Variants in ZNF480 observed in about 807,000 individuals in gnomAD.
ZNF480 encodes the protein zinc finger protein 480.
Under a neutral mutation model 14.4 loss-of-function variants are expected in ZNF480, and 15 were observed. The ratio of observed to expected loss-of-function variants is 1.04; its 90% CI spans 0.70 to 1.60. The LOEUF (loss-of-function observed/expected upper bound fraction) is 1.60. ZNF480 is among the 40% of genes most tolerant of loss of function. The pLI is 0.00. For synonymous variants in ZNF480, 218 were observed against 215.5 expected (o/e 1.01, Z -0.10); for missense variants, 593 against 629.7 (o/e 0.94, Z 0.62).
At chr19:52,297,352 G>A in intron 1 of ZNF480, 129 bp downstream of exon 1, 1 of 378,216 alleles carries the variant, frequency 2.6e-6, no homozygotes, top group South Asian at 1.8e-5. Context: ...AAATTCAGGC[G>A]TCTCCGTGAG....
intron 2 of ZNF480, among the ~76,000 whole-genome samples, chr19:52,306,772 C>T (rs1398831288): frequency 1.3e-5 from 2 of 152,188 alleles, no homozygotes; most frequent in Non-Finnish European, 2.9e-5. Context: ...AACTGCCAAG[C>T]ATCCATATCA....
At chr19:52,305,421 G>C (rs1163642742) in intron 2 of ZNF480, among the ~76,000 whole-genome samples, 1 of 152,092 alleles carries the variant, frequency 6.6e-6, no homozygotes, top group Non-Finnish European at 1.5e-5. Flanking sequence ...AAATCCTCCT[G>C]TTCATTTAGT....
chr19:52,316,170 A>ATCTT (rs1307212551), intron 4 of ZNF480, among the ~76,000 whole-genome samples: 3 of 147,578 alleles, frequency 2.0e-5, no homozygotes, highest in Non-Finnish European at 4.5e-5. Flanking sequence ...TTGACTGGAG[A>ATCTT]TCTTTCTTTC....
intron 4 of ZNF480, 138 bp downstream of exon 4, chr19:52,316,100 CAG>C: frequency 2.3e-6 from 2 of 885,078 alleles, no homozygotes; most frequent in East Asian, 5.5e-5. Flanking sequence ...TGTCATGAAA[CAG>C]AGCCTGAGAG....
intron 3 of ZNF480, 89 bp downstream of exon 3, chr19:52,314,368 T>A: frequency 7.6e-7 from 1 of 1,310,498 alleles, no homozygotes; most frequent in East Asian, 3.3e-5. Flanking sequence ...CCCTGCATTG[T>A]TTGACTGACA....
chr19:52,324,814 A>G lies in ZNF480; in HGVS notation c.*1956A>G, dbSNP rs1017533259. 2.6e-5 allele frequency: 4 copies of G among 152,190 alleles called. No individual in the cohort carries two copies. The highest frequency in any genetic ancestry group is 7.2e-5 in the African/African-American group (3 of 41,464). The allele number at this position is 152,190 out of a possible 1,614,324, so 9.4% of individuals were successfully genotyped here. A position where few individuals can be genotyped will look rare whatever the true frequency, so the allele number is the denominator to read the frequency against. ...GATTAAAGACTTAAATATAAAACCT[A>G]AAAGTATTAAATTCCTAGAAGAAAA... On this transcript the variant is annotated 3_prime_UTR_variant, in exon 5 of 5. Transcript: ENST00000595962.
At position 52,297,206 on chromosome 19, in the gene ZNF480, A is replaced by G; in HGVS notation, c.-37A>G. On this transcript the variant is annotated 5_prime_UTR_variant, in exon 1 of 5. Transcript: ENST00000595962. ...ACCCGGAAGCGGATCGCGTGGAGTG[A>G]AGGTCACGCCGCGGCGCGTGAGTTT... 4.6e-6 allele frequency: 2 copies of G among 434,354 alleles called. No homozygotes were observed. The highest frequency in any genetic ancestry group is 9.2e-6 in the Non-Finnish European group (2 of 217,512). The allele number at this position is 434,354 out of a possible 1,614,324, so 26.9% of individuals were successfully genotyped here.
chr19:52,310,549 A>T (rs757767213), intron 2 of ZNF480, among the ~76,000 whole-genome samples: 40 of 151,898 alleles, frequency 2.6e-4, no homozygotes, highest in Non-Finnish European at 4.4e-4. Flanking sequence ...TGCAGCACAG[A>T]CCAGCCCCCT....
Position 52,314,164 on chromosome 19 carries a change from A to T in ZNF480, c.84A>T (p.Thr28=), listed in dbSNP as rs763893607. The T allele has an allele frequency of 1.7e-5, 26 of 1,570,900 alleles. No individual in the cohort carries two copies. Among genetic ancestry groups the T allele is most frequent in the Non-Finnish European group, 2.3e-5 (26 of 1,152,656 alleles). The change falls in exon 3 of 5, where the codon ACA becomes ACT. Residue 28 remains threonine, a synonymous_variant. Coordinates refer to ENST00000595962, the MANE Select transcript of ZNF480 (RefSeq NM_144684.4). The stretch of plus-strand genomic sequence containing the variant: ...GGTTTTCATTTTAGGGACACTTAAC[A>T]TTCAGGGACGTGGCCATAGAATTCT... ...SGMALPQGHL[T]FRDVAIEFSQ...
At position 52,321,535 on chromosome 19, in the gene ZNF480, C is replaced by T. The variant is rs1403304933; in HGVS notation, c.329-44C>T. The T allele has an allele frequency of 2.0e-6, 3 of 1,492,064 alleles. No homozygotes were observed. In the East Asian group the frequency reaches 6.8e-5, roughly 34 times the overall value. 92.4% of individuals were successfully genotyped at this position (1,492,064 alleles called of 1,614,324 possible). A position where few individuals can be genotyped will look rare whatever the true frequency, so the allele number is the denominator to read the frequency against. On this transcript the variant is annotated intron_variant, in intron 4 of 4. Transcript: ENST00000595962. ...TATTTTCATCAGACTCTAAACATGC[C>T]AGAATTATGGGGTCTGAATTTTACT...
intron 4 of ZNF480, among the ~76,000 whole-genome samples, chr19:52,319,140 A>C (rs1190749769): frequency 6.6e-6 from 1 of 152,134 alleles, no homozygotes; most frequent in African/African-American, 2.4e-5. Flanking sequence ...CTGAGATTAC[A>C]GGTGTGAGCC....
At position 52,315,968 on chromosome 19, in the gene ZNF480, A is replaced by G. The variant is rs1568634332; in HGVS notation, c.328+6A>G. The G allele has an allele frequency of 6.3e-7, 1 of 1,597,452 alleles. No homozygotes were observed. The highest frequency in any genetic ancestry group is 1.7e-5 in the Admixed American group (1 of 58,848). On this transcript the variant is annotated splice_donor_region_variant and intron_variant, in intron 4 of 4. Coordinates refer to ENST00000595962, the MANE Select transcript of ZNF480 (RefSeq NM_144684.4). Reference sequence around the variant, plus strand: ...CATCAAAGGTGTGAACACAGGTAAGAGCTCAGATGGGCATGGTGGAAGCCA... The same window carrying G: ...CATCAAAGGTGTGAACACAGGTAAGGGCTCAGATGGGCATGGTGGAAGCCA...
chr19:52,307,672 G>A (rs372513193), intron 2 of ZNF480: 82 of 31,184 alleles, frequency 2.6e-3, no homozygotes, highest in African/African-American at 6.1e-3. Context: ...CCAGTGATAA[G>A]CATTGTTTCT....
intron 4 of ZNF480, among the ~76,000 whole-genome samples, chr19:52,317,017 TTTG>T (rs1033416343): frequency 1.8e-4 from 27 of 152,104 alleles, no homozygotes; most frequent in African/African-American, 5.1e-4. Flanking sequence ...AACATGGGTT[TTTG>T]TTGTTGTTGT....
intron 2 of ZNF480, among the ~76,000 whole-genome samples, chr19:52,306,732 T>C (rs1982949366): frequency 6.6e-6 from 1 of 152,218 alleles, no homozygotes; most frequent in Admixed American, 6.5e-5. Context: ...CATATTCCCC[T>C]GTTGATCAGG....
intron 2 of ZNF480, among the ~76,000 whole-genome samples, chr19:52,304,080 G>A (rs1600213553): frequency 6.6e-6 from 1 of 152,310 alleles, no homozygotes; most frequent in African/African-American, 2.4e-5. Flanking sequence ...TTTTTTATGA[G>A]TAGGTTCAAT....
chr19:52,322,821 C>A lies in ZNF480; in HGVS notation c.1571C>A (p.Ser524Ter). 1 of 1,604,406 alleles carries A rather than the reference C, an allele frequency of 6.2e-7. No homozygotes were observed. Among genetic ancestry groups the A allele is most frequent in the Non-Finnish European group, 8.5e-7 (1 of 1,174,184 alleles). ...NECGKAFSRI[S>*]YLAQHWTIHM... is the part of the protein sequence containing the mutation. Reference sequence around the variant, plus strand: ...TGTGGCAAGGCCTTTAGTCGCATTTCATACCTAGCACAACATTGGACAATT... The same window carrying A: ...TGTGGCAAGGCCTTTAGTCGCATTTAATACCTAGCACAACATTGGACAATT... Residue 524 changes from serine to a stop codon, truncating the protein, a stop_gained, in exon 5 of 5, where the codon TCA becomes TAA. Coordinates refer to ENST00000595962, the MANE Select transcript of ZNF480 (RefSeq NM_144684.4). LOFTEE classifies it low-confidence loss of function (END_TRUNC).
intron 2 of ZNF480, chr19:52,301,413 C>T (rs1982686110): frequency 6.6e-6 from 1 of 152,166 alleles, no homozygotes; most frequent in Non-Finnish European, 1.5e-5. Context: ...CAGTATGACC[C>T]TTTAAATGTC....
At position 52,322,639 on chromosome 19, in the gene ZNF480, A is replaced by C; in HGVS notation, c.1389A>C (p.Ala463=). Reference sequence around the variant, plus strand: ...ACAAATGTAGTGAATGTGGCAAGGCATTCAGACACAAGTTATCACTAACCA... The same window carrying C: ...ACAAATGTAGTGAATGTGGCAAGGCCTTCAGACACAAGTTATCACTAACCA... ...KPYKCSECGK[A]FRHKLSLTNH... Residue 463 remains alanine (A), a synonymous_variant, in exon 5 of 5, where the codon GCA becomes GCC. Coordinates refer to ENST00000595962, the MANE Select transcript of ZNF480 (RefSeq NM_144684.4). The C allele has an allele frequency of 1.2e-6, 2 of 1,613,974 alleles. No individual in the cohort carries two copies.
Sources: allele counts gnomAD v4.1 joint callset (sites outside exome capture counted in the v4.1 genomes callset), GRCh38; gene constraint gnomAD v4.1.1; transcripts MANE v1.5; gene names NCBI Gene and HGNC (gene_info 2026-07-23, HGNC 2026-07-21).